The following SRPX2 variants were observed in gnomAD, a reference collection of about 807,000 sequenced individuals.
SRPX2 encodes the protein sushi repeat containing protein X-linked 2.
SRPX2 carries 26 observed loss-of-function variants against 45.3 expected under a neutral mutation model. That is an observed-to-expected ratio of 0.57 (90% CI 0.42 to 0.80). The LOEUF is 0.80. Among genes scored for constraint, SRPX2 ranks in the 30% least tolerant of loss-of-function variants. SRPX2 has a pLI of 0.00. For synonymous variants in SRPX2, 125 were observed against 143.7 expected (o/e 0.87, Z 0.93); for missense variants, 355 against 399.8 (o/e 0.89, Z 0.95).
chrX:100,650,767 T>C lies in SRPX2; in HGVS notation c.83-18T>C, dbSNP rs761923375. ...GAGAAATCAAGACACCATTTTGATA[T>C]TGTCTTCCTTATTCTAGGTTCTGGC... is the stretch of plus-strand genomic sequence containing the variant. On this transcript the variant is annotated intron_variant, in intron 2 of 10. Coordinates refer to ENST00000373004, the MANE Select transcript of SRPX2 (RefSeq NM_014467.3). 2.1e-5 allele frequency: 25 copies of C among 1,188,867 alleles called. No individual in the cohort carries two copies. The highest frequency in any genetic ancestry group is 4.4e-5 in the Admixed American group (2 of 45,970).
chrX:100,655,062 G>A (rs903234643), intron 3 of SRPX2, among the ~76,000 whole-genome samples: 1 of 112,200 alleles, frequency 8.9e-6, no homozygotes, highest in Non-Finnish European at 1.9e-5. Flanking sequence ...ATAGACAGAT[G>A]AATAGCTACA....
intron 3 of SRPX2, among the ~76,000 whole-genome samples, chrX:100,660,402 CAGTATGT>C (rs1341711231): frequency 2.7e-5 from 3 of 112,197 alleles, no homozygotes; most frequent in Non-Finnish European, 5.6e-5. Flanking sequence ...TGGAACTCTA[CAGTATGT>C]AGTTTTTCAA....
chrX:100,665,274 C>T lies in SRPX2; in HGVS notation c.564C>T (p.His188=), dbSNP rs149317696. Residue 188 remains histidine, a synonymous_variant, in exon 6 of 11, where the codon CAC becomes CAT. Coordinates refer to ENST00000373004, the MANE Select transcript of SRPX2 (RefSeq NM_014467.3). ...DIDPPKIRCP[H]SREKMAEPEK... ...ATCCCCCCAAGATCCGCTGTCCCCA[C>T]TCACGTGAGAAGATGGCAGAGCCAG... is the stretch of plus-strand genomic sequence containing the variant. 3.0e-5 allele frequency: 36 copies of T among 1,209,015 alleles called. No homozygotes were observed. The African/African-American group carries it at 6.1e-4, about 21-fold the overall frequency.
At chrX:100,662,667 T>G (rs2083192195) in intron 4 of SRPX2, among the ~76,000 whole-genome samples, 1 of 112,211 alleles carries the variant, frequency 8.9e-6, no homozygotes, top group Non-Finnish European at 1.9e-5. Flanking sequence ...GACCTAGATC[T>G]TCTTCTGGAG....
Position 100,664,590 on chromosome X carries a change from A to G in SRPX2, c.356-184A>G, listed in dbSNP as rs1020733230. The stretch of plus-strand genomic sequence containing the variant: ...CACCCCCCTGCCCAAGGGTGCTGCT[A>G]TACTTTATGAAAATACAAAGACAAT... On this transcript the variant is annotated intron_variant, in intron 4 of 10. Coordinates refer to ENST00000373004, the MANE Select transcript of SRPX2 (RefSeq NM_014467.3). 3.6e-5 allele frequency among the ~76,000 whole-genome samples: 4 copies of G among 111,896 alleles called. No individual in the cohort carries two copies. In the Admixed American group the frequency reaches 3.8e-4, roughly 11 times the overall value.
At chrX:100,659,445 T>A (rs909910106) in intron 3 of SRPX2, among the ~76,000 whole-genome samples, 12 of 111,997 alleles carry the variant, frequency 1.1e-4, no homozygotes, top group African/African-American at 3.9e-4. Flanking sequence ...TCCAATCTGA[T>A]GTGTATTTTC....
At chrX:100,670,747 G>C in intron 10 of SRPX2, 60 bp from the exon 11 acceptor site, 1 of 1,179,057 alleles carries the variant, frequency 8.5e-7, no homozygotes, top group East Asian at 3.0e-5. Flanking sequence ...GAGGGTAGTA[G>C]AGCCTGTGGG....
At chrX:100,665,098 C>G (rs1432984963) in intron 5 of SRPX2, 145 bp from the exon 6 acceptor site, 84 of 1,057,928 alleles carry the variant, frequency 7.9e-5, no homozygotes, top group Non-Finnish European at 1.1e-4. Flanking sequence ...ATGATCTTCT[C>G]CCCTGAAGTT....
chrX:100,669,514 T>G, intron 10 of SRPX2, 145 bp downstream of exon 10: 2 of 539,578 alleles, frequency 3.7e-6, no homozygotes, highest in Non-Finnish European at 6.2e-6. Context: ...TGAACTCTTA[T>G]GGATGCATTA....
At chrX:100,657,349 C>CTTTTTTTTTTTTTTTTTTTTTGTTTTTT (rs1163232018) in intron 3 of SRPX2, among the ~76,000 whole-genome samples, 1 of 28,417 alleles carries the variant, frequency 3.5e-5, no homozygotes, top group Non-Finnish European at 6.5e-5. Context: ...TTATTTATGT[C>CTTTTTTTTTTTTTTTTTTTTTGTTTTTT]TTTTTTTTTT....
chrX:100,657,019 C>T (rs1276879669), intron 3 of SRPX2, among the ~76,000 whole-genome samples: 4 of 110,401 alleles, frequency 3.6e-5, no homozygotes, highest in Non-Finnish European at 5.7e-5. Flanking sequence ...CCTCTGCCTC[C>T]TGGGTTCAAG....
At chrX:100,654,518 G>A (rs2083162751) in intron 3 of SRPX2, among the ~76,000 whole-genome samples, 1 of 111,672 alleles carries the variant, frequency 9.0e-6, no homozygotes, top group Non-Finnish European at 1.9e-5. Flanking sequence ...TAGGAAAGAT[G>A]GGACACTGGC....
chrX:100,656,358 T>C (rs2083169385), intron 3 of SRPX2, among the ~76,000 whole-genome samples: 2 of 111,581 alleles, frequency 1.8e-5, no homozygotes, highest in Non-Finnish European at 3.8e-5. Flanking sequence ...CTTTGAAATA[T>C]ACAAAACATT....
chrX:100,645,105 A>G (rs1438653900), intron 1 of SRPX2, among the ~76,000 whole-genome samples: 1 of 111,796 alleles, frequency 8.9e-6, no homozygotes, highest in Non-Finnish European at 1.9e-5. Context: ...GCCAAGTAGC[A>G]ATGAACTAAA....
At chrX:100,668,636 G>A (rs1041702197) in intron 9 of SRPX2, among the ~76,000 whole-genome samples, 3 of 112,104 alleles carry the variant, frequency 2.7e-5, no homozygotes, top group African/African-American at 9.7e-5. Flanking sequence ...ATCTGGGGTA[G>A]GACTGCAAGC....
At chrX:100,647,748 G>A (rs1052541243) in intron 2 of SRPX2, among the ~76,000 whole-genome samples, 1 of 112,736 alleles carries the variant, frequency 8.9e-6, no homozygotes, top group Non-Finnish European at 1.9e-5. Context: ...TGAGCTGTTG[G>A]AGGCGTGAGC....
In SRPX2 at chrX:100,670,808, C is replaced by A. The variant is rs769739069; in HGVS notation, c.1219C>A (p.Gln407Lys). 1 of 1,211,287 alleles carries A rather than the reference C, an allele frequency of 8.3e-7. No homozygotes were observed. The highest frequency in any genetic ancestry group is 3.0e-5 in the East Asian group (1 of 33,812). ...ACCTCCCTGGGCTGTTCTCTCTAGGCAATTTCAGCGCCTCACTCGCTCCTA... is the reference window on the plus strand; with the variant it reads ...ACCTCCCTGGGCTGTTCTCTCTAGGAAATTTCAGCGCCTCACTCGCTCCTA... The part of the protein sequence containing the change: ...LSANIIEELR[Q>K]FQRLTRSYFN... Residue 407 changes from glutamine (Q) to lysine (K), a missense_variant and splice_region_variant, in exon 11 of 11, where the codon CAA (glutamine) becomes AAA (lysine). Gln to Lys is a moderately conservative substitution (Grantham distance 53). Transcript: ENST00000373004.
intron 9 of SRPX2, 25 bp from the exon 10 acceptor site, chrX:100,669,223 A>C (rs2083214522): frequency 8.3e-7 from 1 of 1,208,355 alleles, no homozygotes. Context: ...GCTCTGTTGC[A>C]TAAAATGTTC....
chrX:100,667,489 A>G (rs965566696), intron 9 of SRPX2, 82 bp downstream of exon 9: 1 of 1,125,632 alleles, frequency 8.9e-7, no homozygotes, highest in Non-Finnish European at 1.2e-6. Flanking sequence ...TCTCTGCAGC[A>G]CAAACCTTAC....
Sources: gnomAD v4.1 joint callset for allele counts (sites outside exome capture counted in the v4.1 genomes callset) on GRCh38, gnomAD v4.1.1 for gene constraint, MANE v1.5 for transcripts, NCBI Gene and HGNC (gene_info 2026-07-23, HGNC 2026-07-21) for gene names.